Variants in H1-2 observed in about 807,000 individuals in gnomAD.
H1-2 encodes the protein H1.2 linker histone, cluster member, also known as histone H1.2.
A neutral mutation model predicts 7.2 loss-of-function variants in H1-2; 7 were observed. The ratio of observed to expected loss-of-function variants is 0.97; its 90% CI spans 0.55 to 1.82. H1-2 has a LOEUF of 1.82. H1-2 is among the 40% of genes most tolerant of loss of function. H1-2 has a pLI of 0.00. For missense variants in H1-2, 703 were observed against 276.6 expected, an observed-to-expected ratio of 2.54 and a Z score of -10.94; for synonymous variants, 300 against 118.2, an observed-to-expected ratio of 2.54 and a Z score of -9.98.
chr6:26,055,796 C>A lies in H1-2; in HGVS notation c.633G>T (p.Lys211Asn). 1 of 1,592,964 alleles carries A rather than the reference C, an allele frequency of 6.3e-7. No homozygotes were observed. The highest frequency in any genetic ancestry group is 8.5e-7 in the Non-Finnish European group (1 of 1,174,464). Residue 211 changes from lysine to asparagine, a missense_variant, in exon 1 of 1, where the codon AAG (lysine) becomes AAT (asparagine). Lys to Asn is a moderately conservative substitution (Grantham distance 94, BLOSUM62 0). Transcript: ENST00000343677. ...KVVKPKKAAP[K>N]KK ...AGAAGTAGGCGTTCGCCTATTTCTT[C>A]TTGGGCGCCGCCTTCTTAGGCTTGA...
In H1-2 at chr6:26,055,846, G is replaced by C. The variant is rs769915393; in HGVS notation, c.583C>G (p.Pro195Ala). The change falls in exon 1 of 1, where the codon CCC becomes GCC. Residue 195 changes from proline to alanine, a missense_variant. Physicochemically the swap from Pro to Ala is conservative, Grantham distance 27. Transcript: ENST00000343677. ...AAKSAAKAVK[P>A]KAAKPKVVKP... The stretch of plus-strand genomic sequence containing the variant: ...ACAACCTTGGGCTTAGCGGCCTTGG[G>C]CTTCACAGCCTTAGCAGCACTTTTG... 9.3e-6 allele frequency: 15 copies of C among 1,613,726 alleles called. No homozygotes were observed. The South Asian group carries it at 1.1e-4, about 12-fold the overall frequency.
rs1312860503 is a variant in H1-2 at position 26,056,089 on chromosome 6, C to T, written c.340G>A (p.Gly114Arg). 3.7e-6 allele frequency: 6 copies of T among 1,614,182 alleles called. No homozygotes were observed. The highest frequency in any genetic ancestry group is 2.2e-5 in the East Asian group (1 of 44,878). Residue 114 changes from glycine to arginine, a missense_variant, in exon 1 of 1, where the codon GGG (glycine) becomes AGG (arginine). By Grantham distance (125) the Gly-to-Arg change is moderately radical. Coordinates refer to ENST00000343677, the MANE Select transcript of H1-2 (RefSeq NM_005319.4). ...TTTTTAACCTTGGGCTTGGCTTCCC[C>T]GGAGGCTGCCTTCTTGTTGAGTTTA... ...SFKLNKKAAS[G>R]EAKPKVKKAG...
Position 26,056,182 on chromosome 6 carries a change from C to A in H1-2, c.247G>T (p.Gly83Cys), listed in dbSNP as rs150157519. 12 of 1,614,130 alleles carry A rather than the reference C, an allele frequency of 7.4e-6. No homozygotes were observed. The Admixed American group carries it at 1.2e-4, about 16-fold the overall frequency. The change falls in exon 1 of 1, where the codon GGT (glycine) becomes TGT (cysteine). Residue 83 changes from glycine to cysteine, a missense_variant. Transcript: ENST00000343677. ...VEKNNSRIKL[G>C]LKSLVSKGTL... ...CCCTTGCTCACCAGGCTCTTGAGACCAAGTTTGATACGGCTGTTGTTTTTC... is the reference window on the plus strand; with the variant it reads ...CCCTTGCTCACCAGGCTCTTGAGACAAAGTTTGATACGGCTGTTGTTTTTC...
At position 26,055,845 on chromosome 6, in the gene H1-2, G is replaced by A. The variant is rs746063918; in HGVS notation, c.584C>T (p.Pro195Leu). 2.9e-5 allele frequency: 46 copies of A among 1,613,674 alleles called. No individual in the cohort carries two copies. Among genetic ancestry groups the A allele is most frequent in the East Asian group, 2.2e-4 (10 of 44,884 alleles). Residue 195 changes from proline to leucine, a missense_variant, in exon 1 of 1, where the codon CCC becomes CTC. Pro to Leu is a moderately conservative substitution (Grantham distance 98). Transcript: ENST00000343677. ...AAKSAAKAVK[P>L]KAAKPKVVKP... Reference sequence around the variant, plus strand: ...GACAACCTTGGGCTTAGCGGCCTTGGGCTTCACAGCCTTAGCAGCACTTTT... The same window carrying A: ...GACAACCTTGGGCTTAGCGGCCTTGAGCTTCACAGCCTTAGCAGCACTTTT...
chr6:26,055,762 T>G lies in H1-2; in HGVS notation c.*25A>C. 6.4e-7 allele frequency: 1 copy of G among 1,570,658 alleles called. No individual in the cohort carries two copies. The highest frequency in any genetic ancestry group is 8.6e-7 in the Non-Finnish European group (1 of 1,165,114). ...CAGTGGTGGCTCTGAAAAGAGCCTT[T>G]TGGGTTTTAGAAGTAGGCGTTCGCC... On this transcript the variant is annotated 3_prime_UTR_variant, in exon 1 of 1. Coordinates refer to ENST00000343677, the MANE Select transcript of H1-2 (RefSeq NM_005319.4).
chr6:26,056,182 C>G lies in H1-2; in HGVS notation c.247G>C (p.Gly83Arg), dbSNP rs150157519. ...VEKNNSRIKL[G>R]LKSLVSKGTL... ...CCCTTGCTCACCAGGCTCTTGAGAC[C>G]AAGTTTGATACGGCTGTTGTTTTTC... The change falls in exon 1 of 1, where the codon GGT becomes CGT. Residue 83 changes from glycine to arginine, a missense_variant. By Grantham distance (125) the Gly-to-Arg change is moderately radical. Transcript: ENST00000343677. The G allele has an allele frequency of 3.6e-4, 581 of 1,614,248 alleles. 5 individuals carry two copies. The South Asian group carries it at 4.9e-3, about 14-fold the overall frequency.
In H1-2 at chr6:26,056,455, G is replaced by C. The variant is rs13194780; in HGVS notation, c.-27C>G. The stretch of plus-strand genomic sequence containing the variant: ...TTGAGAATCAAAAACTCGGGTACAA[G>C]TGGCAAAGCGCCGATGAAGCAGCGC... On this transcript the variant is annotated 5_prime_UTR_variant, in exon 1 of 1. Transcript: ENST00000343677. The C allele has an allele frequency of 9.7e-6, 15 of 1,544,022 alleles. No individual in the cohort carries two copies. Among genetic ancestry groups the C allele is most frequent in the South Asian group, 3.8e-5 (3 of 79,266 alleles).
rs944083777 is a variant in H1-2, at chr6:26,056,015, G to C, written c.414C>G (p.Pro138=). 1.4e-5 allele frequency: 23 copies of C among 1,613,558 alleles called. No homozygotes were observed. The highest frequency in any genetic ancestry group is 1.9e-5 in the Non-Finnish European group (23 of 1,179,702). ...GAGTTGCGCCGCCAGCCGCCTTCTT[G>C]GGCTTCTTGGCTGCCCCAACTGGCT... ...PKKPVGAAKK[P]KKAAGGATPK... The change falls in exon 1 of 1, where the codon CCC becomes CCG. Residue 138 remains proline (P), a synonymous_variant. Transcript: ENST00000343677.
At position 26,055,773 on chromosome 6, in the gene H1-2, A is replaced by T. The variant is rs1317616796; in HGVS notation, c.*14T>A. ...CTGAAAAGAGCCTTTTGGGTTTTAG[A>T]AGTAGGCGTTCGCCTATTTCTTCTT... On this transcript the variant is annotated 3_prime_UTR_variant, in exon 1 of 1. Coordinates refer to ENST00000343677, the MANE Select transcript of H1-2 (RefSeq NM_005319.4). 2.1e-5 allele frequency: 33 copies of T among 1,581,450 alleles called. No homozygotes were observed. Among genetic ancestry groups the T allele is most frequent in the Non-Finnish European group, 2.7e-5 (32 of 1,171,078 alleles).
rs536029500 is a variant in H1-2, at chr6:26,056,084, T to A, written c.345A>T (p.Glu115Asp). The A allele has an allele frequency of 6.2e-7, 1 of 1,614,206 alleles. No homozygotes were observed. The highest frequency in any genetic ancestry group is 8.5e-7 in the Non-Finnish European group (1 of 1,180,034). Residue 115 changes from glutamate to aspartate, a missense_variant, in exon 1 of 1, where the codon GAA becomes GAT. Physicochemically the swap from Glu to Asp is conservative, Grantham distance 45. Transcript: ENST00000343677. ...CCGCCTTTTTAACCTTGGGCTTGGC[T>A]TCCCCGGAGGCTGCCTTCTTGTTGA... ...FKLNKKAASG[E>D]AKPKVKKAGG...
Position 26,056,343 on chromosome 6 carries a change from C to G in H1-2, c.86G>C (p.Gly29Ala), listed in dbSNP as rs773081980. The change falls in exon 1 of 1, where the codon GGG (glycine) becomes GCG (alanine). Residue 29 changes from glycine to alanine, a missense_variant. Coordinates refer to ENST00000343677, the MANE Select transcript of H1-2 (RefSeq NM_005319.4). ...PVKKKAAKKAGGTPRKASGPP... is the reference protein window; with the variant it reads ...PVKKKAAKKAAGTPRKASGPP... ...ACCAGACGCCTTACGAGGCGTACCC[C>G]CAGCCTTTTTGGCCGCCTTCTTCTT... The G allele has an allele frequency of 1.9e-5, 31 of 1,613,812 alleles. No individual in the cohort carries two copies. Among genetic ancestry groups the G allele is most frequent in the Non-Finnish European group, 2.6e-5 (31 of 1,179,842 alleles).
Position 26,056,161 on chromosome 6 carries a change from T to TGGG in H1-2, c.267_268insCCC (p.Ser89_Lys90insPro). ...CCTTTCGTTTGCACCAGAGTGCCCT[T>TGGG]GCTCACCAGGCTCTTGAGACCAAGT... On this transcript the variant is annotated inframe_insertion, in exon 1 of 1. Transcript: ENST00000343677. The TGGG allele has an allele frequency of 1.2e-6, 2 of 1,614,218 alleles. No individual in the cohort carries two copies. The highest frequency in any genetic ancestry group is 1.7e-6 in the Non-Finnish European group (2 of 1,180,034).
In H1-2 at chr6:26,055,881, T is replaced by G. The variant is rs1220534226; in HGVS notation, c.548A>C (p.Lys183Thr). Reference protein sequence around the residue: ...SPKKAKVAKPKKAAKSAAKAV... With the variant: ...SPKKAKVAKPTKAAKSAAKAV... ...CTTAGCAGCACTTTTGGCAGCTTTCTTGGGCTTCGCAACCTTGGCCTTCTT... is the reference window on the plus strand; with the variant it reads ...CTTAGCAGCACTTTTGGCAGCTTTCGTGGGCTTCGCAACCTTGGCCTTCTT... Residue 183 changes from lysine (K) to threonine (T), a missense_variant, in exon 1 of 1, where the codon AAG becomes ACG. By Grantham distance (78) the Lys-to-Thr change is moderately conservative. Coordinates refer to ENST00000343677, the MANE Select transcript of H1-2 (RefSeq NM_005319.4). The G allele has an allele frequency of 6.2e-7, 1 of 1,614,182 alleles. No individual in the cohort carries two copies. The highest frequency in any genetic ancestry group is 1.1e-5 in the South Asian group (1 of 91,080).
Position 26,055,932 on chromosome 6 carries a change from A to G in H1-2, c.497T>C (p.Val166Ala), listed in dbSNP as rs747424919. Residue 166 changes from valine to alanine, a missense_variant, in exon 1 of 1, where the codon GTA becomes GCA. By Grantham distance (64) the Val-to-Ala change is moderately conservative (BLOSUM62 0). Coordinates refer to ENST00000343677, the MANE Select transcript of H1-2 (RefSeq NM_005319.4). ...TGGGCTCTTAGCCACTTTCTTGGTT[A>G]CAGTGGCCGCGGCCGGCTTCTTCGC... is the stretch of plus-strand genomic sequence containing the variant. ...KKAKKPAAATVTKKVAKSPKK... is the reference protein window; with the variant it reads ...KKAKKPAAATATKKVAKSPKK... 1 of 1,614,076 alleles carries G rather than the reference A, an allele frequency of 6.2e-7. No homozygotes were observed. Among genetic ancestry groups the G allele is most frequent in the East Asian group, 2.2e-5 (1 of 44,860 alleles).
Position 26,055,830 on chromosome 6 carries a change from G to A in H1-2, c.599C>T (p.Pro200Leu), listed in dbSNP as rs144213764. 1.1e-5 allele frequency: 17 copies of A among 1,611,948 alleles called. No homozygotes were observed. The African/African-American group carries it at 1.3e-4, about 13-fold the overall frequency. ...AKAVKPKAAK[P>L]KVVKPKKAAP... ...CGCCTTCTTAGGCTTGACAACCTTG[G>A]GCTTAGCGGCCTTGGGCTTCACAGC... Residue 200 changes from proline (P) to leucine (L), a missense_variant, in exon 1 of 1, where the codon CCC (proline) becomes CTC (leucine). By Grantham distance (98) the Pro-to-Leu change is moderately conservative. Coordinates refer to ENST00000343677, the MANE Select transcript of H1-2 (RefSeq NM_005319.4).
chr6:26,056,167 C>T lies in H1-2; in HGVS notation c.262G>A (p.Val88Met), dbSNP rs749425822. The T allele has an allele frequency of 8.1e-6, 13 of 1,614,244 alleles. No individual in the cohort carries two copies. Among genetic ancestry groups the T allele is most frequent in the Admixed American group, 5.0e-5 (3 of 60,030 alleles). ...SRIKLGLKSL[V>M]SKGTLVQTKG... ...GTTTGCACCAGAGTGCCCTTGCTCA[C>T]CAGGCTCTTGAGACCAAGTTTGATA... Residue 88 changes from valine to methionine, a missense_variant, in exon 1 of 1, where the codon GTG becomes ATG. Coordinates refer to ENST00000343677, the MANE Select transcript of H1-2 (RefSeq NM_005319.4).
rs147592392 is a variant in H1-2 at position 26,056,331 on chromosome 6, C to G, written c.98G>C (p.Arg33Pro). Residue 33 changes from arginine (R) to proline (P), a missense_variant, in exon 1 of 1, where the codon CGT (arginine) becomes CCT (proline). By Grantham distance (103) the Arg-to-Pro change is moderately radical (BLOSUM62 -2). Coordinates refer to ENST00000343677, the MANE Select transcript of H1-2 (RefSeq NM_005319.4). Reference sequence around the variant, plus strand: ...TGACACCGGGGGACCAGACGCCTTACGAGGCGTACCCCCAGCCTTTTTGGC... The same window carrying G: ...TGACACCGGGGGACCAGACGCCTTAGGAGGCGTACCCCCAGCCTTTTTGGC... ...KAAKKAGGTP[R>P]KASGPPVSEL... 9.9e-6 allele frequency: 16 copies of G among 1,613,932 alleles called. No homozygotes were observed. Among genetic ancestry groups the G allele is most frequent in the Non-Finnish European group, 1.4e-5 (16 of 1,179,906 alleles).
rs34810376 is a variant in H1-2 at position 26,056,092 on chromosome 6, A to C, written c.337T>G (p.Ser113Ala). 2.7e-3 allele frequency: 4,313 copies of C among 1,614,062 alleles called. 90 individuals carry two copies. In the African/African-American group the frequency reaches 0.049, roughly 18 times the overall value. The change falls in exon 1 of 1, where the codon TCC becomes GCC. Residue 113 changes from serine (S) to alanine (A), a missense_variant. Ser to Ala is a moderately conservative substitution (Grantham distance 99). Coordinates refer to ENST00000343677, the MANE Select transcript of H1-2 (RefSeq NM_005319.4). Reference sequence around the variant, plus strand: ...TTAACCTTGGGCTTGGCTTCCCCGGAGGCTGCCTTCTTGTTGAGTTTAAAG... The same window carrying C: ...TTAACCTTGGGCTTGGCTTCCCCGGCGGCTGCCTTCTTGTTGAGTTTAAAG... ...GSFKLNKKAA[S>A]GEAKPKVKKA...
Position 26,056,324 on chromosome 6 carries a change from C to G in H1-2, c.105G>C (p.Ala35=), listed in dbSNP as rs139532972. 15 of 1,614,076 alleles carry G rather than the reference C, an allele frequency of 9.3e-6. 1 individual carries two copies. The highest frequency in any genetic ancestry group is 3.3e-5 in the Admixed American group (2 of 60,030). ...AKKAGGTPRK[A]SGPPVSELIT... ...TGAGCTCTGACACCGGGGGACCAGA[C>G]GCCTTACGAGGCGTACCCCCAGCCT... The change falls in exon 1 of 1, where the codon GCG becomes GCC. Residue 35 remains alanine, a synonymous_variant. Transcript: ENST00000343677.
Sources: gnomAD v4.1 joint callset for allele counts on GRCh38, gnomAD v4.1.1 for gene constraint, MANE v1.5 for transcripts, NCBI Gene and HGNC (gene_info 2026-07-23, HGNC 2026-07-21) for gene names.